RUFY3: variants seen among roughly 807,000 people sequenced by gnomAD.
The protein encoded by RUFY3 is protein RUFY3.
Under a neutral mutation model 84.0 loss-of-function variants are expected in RUFY3, and 34 were observed. The observed-to-expected ratio is 0.40, with a 90% CI of 0.31 to 0.54. RUFY3 has a LOEUF of 0.54. Ranked by LOEUF, RUFY3 falls within the 20% of genes least tolerant of loss-of-function variation. The probability of loss-of-function intolerance (pLI) is 0.39; values close to 1 mark genes in which losing one functional copy is unlikely to be tolerated. For missense variants in RUFY3, 507 were observed against 736.8 expected, an observed-to-expected ratio of 0.69 and a Z score of 3.61; for synonymous variants, 242 against 252.9, an observed-to-expected ratio of 0.96 and a Z score of 0.41.
At chr4:70,744,866 G>T in intron 1 of RUFY3, among the ~76,000 whole-genome samples, 1 of 151,952 alleles carries the variant, frequency 6.6e-6, no homozygotes, top group South Asian at 2.1e-4. Context: ...TGTTGGCTAG[G>T]CTGGTCTCGA....
chr4:70,789,712 T>G, intron 12 of RUFY3, 120 bp downstream of exon 12: 1 of 1,381,106 alleles, frequency 7.2e-7, no homozygotes, highest in Non-Finnish European at 9.4e-7. Flanking sequence ...CATCAGACAT[T>G]CTGGTAGAAA....
At chr4:70,793,750 GT>G in intron 12 of RUFY3, 34 bp from the exon 13 acceptor site, 4 of 1,613,448 alleles carry the variant, frequency 2.5e-6, no homozygotes, top group Non-Finnish European at 1.7e-6. Context: ...CATGGCTTTT[GT>G]TTTTTATCAC....
chr4:70,705,436 C>T (rs972091153), intron 1 of RUFY3: 19 of 544,902 alleles, frequency 3.5e-5, no homozygotes, highest in Non-Finnish European at 4.9e-5. Context: ...AGGGGCTACC[C>T]TCGGGAAGCT....
intron 17 of RUFY3, 53 bp from the exon 18 acceptor site, chr4:70,806,463 A>G: frequency 6.2e-7 from 1 of 1,602,586 alleles, no homozygotes; most frequent in Non-Finnish European, 8.5e-7. Context: ...TATCCCATGA[A>G]TCCTTATGCC....
rs532478392 is a variant in RUFY3 at position 70,792,145 on chromosome 4, G to A, written c.1338-1640G>A. The A allele has an allele frequency of 9.1e-6, 9 of 984,632 alleles. No homozygotes were observed. The South Asian group carries it at 3.3e-4, about 36-fold the overall frequency. 61.0% of individuals were successfully genotyped at this position (984,632 alleles called of 1,614,324 possible). A position where few individuals can be genotyped will look rare whatever the true frequency, so the allele number is the denominator to read the frequency against. On this transcript the variant is annotated intron_variant, in intron 12 of 17. Transcript: ENST00000381006. ...TCTCCTATTAACAAAAAATGATGCA[G>A]TACCCATTTTTCGTATCCTGCTTTT...
At chr4:70,801,288 C>A (rs57396986) in intron 15 of RUFY3, among the ~76,000 whole-genome samples, 1 of 151,864 alleles carries the variant, frequency 6.6e-6, no homozygotes, top group Non-Finnish European at 1.5e-5. Context: ...GGATACATGT[C>A]ATTATACATT....
At chr4:70,744,005 AT>A (rs1721740494) in intron 1 of RUFY3, among the ~76,000 whole-genome samples, 1 of 152,192 alleles carries the variant, frequency 6.6e-6, no homozygotes, top group Non-Finnish European at 1.5e-5. Flanking sequence ...GTTATGGAGT[AT>A]TACCTGCACA....
chr4:70,714,634 A>T (rs1741367641), intron 1 of RUFY3, among the ~76,000 whole-genome samples: 1 of 152,236 alleles, frequency 6.6e-6, no homozygotes, highest in Non-Finnish European at 1.5e-5. Context: ...ATGCCATTGC[A>T]AGGCTATATA....
chr4:70,799,093 CGA>C (rs1455621227), intron 14 of RUFY3, among the ~76,000 whole-genome samples: 1 of 146,400 alleles, frequency 6.8e-6, no homozygotes, highest in Non-Finnish European at 1.5e-5. Flanking sequence ...TGCAGTGAGC[CGA>C]GATCATGCCA....
At chr4:70,711,067 A>G in intron 1 of RUFY3, among the ~76,000 whole-genome samples, 1 of 117,644 alleles carries the variant, frequency 8.5e-6, no homozygotes, top group East Asian at 2.0e-4. Flanking sequence ...CCGTCTGGAA[A>G]AAAAAAAAAA....
chr4:70,781,084 CA>C lies in RUFY3; in HGVS notation c.895-1993del, dbSNP rs35495444. 9.4e-3 allele frequency among the ~76,000 whole-genome samples: 1,056 copies of C among 111,886 alleles called. 9 individuals are homozygous for C. The highest frequency in any genetic ancestry group is 0.024 in the African/African-American group (769 of 31,426). 73.4% of individuals were successfully genotyped at this position (111,886 alleles called of 152,430 possible). On this transcript the variant is annotated intron_variant, in intron 8 of 17. Coordinates refer to ENST00000381006, the MANE Select transcript of RUFY3 (RefSeq NM_001037442.4). ...GGCAACATAGCAAAACCCCATCTCA[CA>C]AAAAAAAAAAAAAGGGCCAGTAAAA...
chr4:70,780,600 A>C (rs1728756420), intron 8 of RUFY3, among the ~76,000 whole-genome samples: 1 of 152,148 alleles, frequency 6.6e-6, no homozygotes, highest in African/African-American at 2.4e-5. Flanking sequence ...GCCACTTGCT[A>C]GTCTTCTAAT....
At position 70,807,663 on chromosome 4, in the gene RUFY3, C is replaced by CTT. The variant is rs57107005; in HGVS notation, c.*1020_*1021dup. Among the ~76,000 whole-genome samples the CTT allele has an allele frequency of 6.1e-4, 77 of 126,180 alleles. No individual in the cohort carries two copies. Among genetic ancestry groups the CTT allele is most frequent in the African/African-American group, 1.8e-3 (62 of 34,054 alleles). 82.8% of individuals were successfully genotyped at this position (126,180 alleles called of 152,430 possible). ...TAGCCTCCCAAGTAGCTGGGACTGGCTTTTTTTTTTTTTTTTTGGCCGGGG... is the reference window on the plus strand; with the variant it reads ...TAGCCTCCCAAGTAGCTGGGACTGGCTTTTTTTTTTTTTTTTTTTGGCCGGGG... On this transcript the variant is annotated 3_prime_UTR_variant, in exon 18 of 18. Transcript: ENST00000381006.
chr4:70,788,640 TATTA>T (rs1402795965), intron 10 of RUFY3, among the ~76,000 whole-genome samples, 162 bp from the exon 11 acceptor site: 3 of 152,334 alleles, frequency 2.0e-5, no homozygotes, highest in African/African-American at 4.8e-5. Flanking sequence ...TATTGTTAAT[TATTA>T]ATTAATTATT....
chr4:70,790,459 C>T (rs1056871088), intron 12 of RUFY3, among the ~76,000 whole-genome samples: 3 of 152,184 alleles, frequency 2.0e-5, no homozygotes, highest in Non-Finnish European at 2.9e-5. Flanking sequence ...CCCAATAGTT[C>T]CACCAATTAG....
intron 5 of RUFY3, among the ~76,000 whole-genome samples, chr4:70,771,881 G>A (rs1727031674): frequency 6.6e-6 from 1 of 151,978 alleles, no homozygotes; most frequent in African/African-American, 2.4e-5. Flanking sequence ...CTAGAGACAA[G>A]AAAATATTAT....
rs375464897 is a variant in RUFY3, at chr4:70,778,361, T to C, written c.825-8T>C. ...AAAAGTGACTTTTTTTTCTTCTCTA[T>C]ATTATAGTGCTACTGTAAACAACCT... On this transcript the variant is annotated splice_polypyrimidine_tract_variant and splice_region_variant and intron_variant, in intron 7 of 17. Coordinates refer to ENST00000381006, the MANE Select transcript of RUFY3 (RefSeq NM_001037442.4). 1,663 of 1,536,440 alleles carry C rather than the reference T, an allele frequency of 1.1e-3. 10 individuals are homozygous for C. Among genetic ancestry groups the C allele is most frequent in the South Asian group, 0.01 (915 of 88,884 alleles).
intron 1 of RUFY3, chr4:70,734,613 C>T (rs1719983098): frequency 1.0e-6 from 1 of 964,740 alleles, no homozygotes; most frequent in Non-Finnish European, 1.2e-6. Context: ...ACCCACTTAG[C>T]TTCCAGGATT....
chr4:70,704,426 G>C (rs992722960), upstream of RUFY3: 3 of 152,458 alleles, frequency 2.0e-5, no homozygotes, highest in Non-Finnish European at 2.9e-5. Context: ...AGATCTTTGT[G>C]CCTTCGTGCT....
Sources: allele counts gnomAD v4.1 joint callset (sites outside exome capture counted in the v4.1 genomes callset), GRCh38; gene constraint gnomAD v4.1.1; transcripts MANE v1.5; gene names NCBI Gene and HGNC (gene_info 2026-07-23, HGNC 2026-07-21).